AP5Z1: variants seen among roughly 807,000 people sequenced by gnomAD.
AP5Z1 encodes adaptor related protein complex 5 subunit zeta 1.
In AP5Z1, 106 loss-of-function variants were observed where a neutral mutation model predicts 83.0. The observed-to-expected ratio is 1.28, with a 90% CI of 1.09 to 1.50. AP5Z1 has a LOEUF of 1.50. Among genes scored for constraint, AP5Z1 ranks in the 40% most tolerant of loss-of-function variants. AP5Z1 has a pLI of 0.00. For synonymous variants in AP5Z1, 751 were observed against 514.1 expected (o/e 1.46, Z -6.23); for missense variants, 1,565 against 1,094.2 (o/e 1.43, Z -6.07).
chr7:4,788,519 T>G, intron 12 of AP5Z1: 1 of 578,328 alleles, frequency 1.7e-6, no homozygotes. Context: ...TCAACCCTCA[T>G]AAGCTTGGAG....
intron 13 of AP5Z1, among the ~76,000 whole-genome samples, chr7:4,789,495 C>CCTGGGAGGTGGGGAGGCCGGCAGGGGG (rs1781674706): frequency 6.6e-6 from 1 of 152,236 alleles, no homozygotes; most frequent in Non-Finnish European, 1.5e-5. Flanking sequence ...TGCAGGAGAG[C>CCTGGGAGGTGGGGAGGCCGGCAGGGGG]CTGGGAGGTG....
At chr7:4,783,500 C>A (rs755640495) in intron 4 of AP5Z1, 40 bp downstream of exon 4, 6 of 1,598,442 alleles carry the variant, frequency 3.8e-6, no homozygotes, top group Non-Finnish European at 4.3e-6. Flanking sequence ...GGGGGTCTGC[C>A]TTCCCAGGTC....
At chr7:4,783,650 A>C (rs528229484) in intron 4 of AP5Z1, 39 bp from the exon 5 acceptor site, 3 of 1,536,088 alleles carry the variant, frequency 2.0e-6, no homozygotes, top group East Asian at 2.5e-5. Flanking sequence ...CATCTGTAGG[A>C]TTCAACCTCA....
rs1419095895 is a variant in AP5Z1, at chr7:4,791,060, C to G, written c.2154-55C>G. On this transcript the variant is annotated intron_variant, in intron 16 of 16. Coordinates refer to ENST00000649063, the MANE Select transcript of AP5Z1 (RefSeq NM_014855.3). ...TTCAGGCCTGGCCCCTCCACACAGA[C>G]CCCTGTCCTGGGAGGGGAGCATCTG... The G allele has an allele frequency of 9.3e-6, 14 of 1,509,740 alleles. No individual in the cohort carries two copies. In the East Asian group the frequency reaches 3.1e-4, roughly 34 times the overall value. The allele number at this position is 1,509,740 out of a possible 1,614,324, so 93.5% of individuals were successfully genotyped here.
Position 4,784,871 on chromosome 7 carries a change from C to A in AP5Z1, c.791-37C>A, listed in dbSNP as rs775422856. 6 of 1,592,504 alleles carry A rather than the reference C, an allele frequency of 3.8e-6. No individual in the cohort carries two copies. The African/African-American group carries it at 8.1e-5, about 21-fold the overall frequency. On this transcript the variant is annotated intron_variant, in intron 6 of 16. Coordinates refer to ENST00000649063, the MANE Select transcript of AP5Z1 (RefSeq NM_014855.3). ...AGCAGGCATGTCCCAGCCCGGGAGC[C>A]ACACGTCAGCCTGCTGAGAGTTCCC... is the stretch of plus-strand genomic sequence containing the variant.
In AP5Z1 at chr7:4,788,848, C is replaced by T; in HGVS notation, c.1604C>T (p.Pro535Leu). Residue 535 changes from proline (P) to leucine (L), a missense_variant, in exon 13 of 17, where the codon CCA (proline) becomes CTA (leucine). Transcript: ENST00000649063. ...CCACACTGTGTCCTCAGGTTGGCGC[C>T]ACTCCACCAGCTGCTGCAGCCCATG... ...KASGATERLA[P>L]LHQLLQPMAG... The T allele has an allele frequency of 1.2e-6, 2 of 1,606,518 alleles. No homozygotes were observed. Among genetic ancestry groups the T allele is most frequent in the Non-Finnish European group, 8.5e-7 (1 of 1,176,996 alleles).
At chr7:4,776,149 T>A (rs1043552195) in intron 1 of AP5Z1, among the ~76,000 whole-genome samples, 2 of 151,620 alleles carry the variant, frequency 1.3e-5, no homozygotes, top group Non-Finnish European at 2.9e-5. Context: ...GGAATAAGGC[T>A]GTGTGCCAGG....
At chr7:4,785,909 T>C (rs950380156) in intron 9 of AP5Z1, among the ~76,000 whole-genome samples, 4 of 152,146 alleles carry the variant, frequency 2.6e-5, no homozygotes, top group Non-Finnish European at 4.4e-5. Context: ...GCCCAGCTCA[T>C]ATTTCTTTTT....
chr7:4,779,930 A>C (rs1562403333), intron 1 of AP5Z1, among the ~76,000 whole-genome samples: 1 of 152,142 alleles, frequency 6.6e-6, no homozygotes, highest in Non-Finnish European at 1.5e-5. Flanking sequence ...GGTGTGAGCC[A>C]CCGTGCGTGG....
chr7:4,790,832 G>C lies in AP5Z1; in HGVS notation c.2098G>C (p.Val700Leu), dbSNP rs11766611. ...LPRCPPQVVT[V>L]LMTTLTKLAS... ...CAGGTGTCCCCCCCAGGTGGTCACC[G>C]TGCTGATGACCACGCTGACGAAGCT... The change falls in exon 16 of 17, where the codon GTG becomes CTG. Residue 700 changes from valine to leucine, a missense_variant. Val to Leu is a conservative substitution (Grantham distance 32). Coordinates refer to ENST00000649063, the MANE Select transcript of AP5Z1 (RefSeq NM_014855.3). The C allele has an allele frequency of 1.1e-5, 17 of 1,609,258 alleles. No individual in the cohort carries two copies. The highest frequency in any genetic ancestry group is 1.4e-5 in the Non-Finnish European group (17 of 1,178,822).
rs200490093 is a variant in AP5Z1 at position 4,781,701 on chromosome 7, C to T, written c.313C>T (p.His105Tyr). Residue 105 changes from histidine (H) to tyrosine (Y), a missense_variant, in exon 3 of 17, where the codon CAC becomes TAC. Coordinates refer to ENST00000649063, the MANE Select transcript of AP5Z1 (RefSeq NM_014855.3). The stretch of plus-strand genomic sequence containing the variant: ...TGACAGCCTCAGCCTGGCCTGGGAC[C>T]ACACGCAGAACAGCCGGCAGCTGAG... The part of the protein sequence containing the change: ...PSDSLSLAWD[H>Y]TQNSRQLSLV... 2.7e-4 allele frequency: 427 copies of T among 1,588,848 alleles called. 1 individual carries two copies. Among genetic ancestry groups the T allele is most frequent in the Non-Finnish European group, 2.7e-4 (315 of 1,160,116 alleles).
chr7:4,776,575 A>C (rs1781234980), intron 1 of AP5Z1, among the ~76,000 whole-genome samples: 1 of 146,560 alleles, frequency 6.8e-6, no homozygotes, highest in African/African-American at 2.4e-5. Flanking sequence ...AAAAAAAAAA[A>C]AAAAAAAAAA....
chr7:4,777,809 C>A (rs557933935), intron 1 of AP5Z1, among the ~76,000 whole-genome samples: 19 of 152,300 alleles, frequency 1.2e-4, no homozygotes, highest in African/African-American at 4.1e-4. Flanking sequence ...CAGTTGCCCT[C>A]TGTTAGGGTT....
intron 13 of AP5Z1, among the ~76,000 whole-genome samples, chr7:4,789,277 G>A (rs1020791319): frequency 1.3e-5 from 2 of 151,624 alleles, no homozygotes; most frequent in Non-Finnish European, 2.9e-5. Context: ...CCATCCAACT[G>A]CCCCAGCAGG....
chr7:4,789,924 G>A lies in AP5Z1; in HGVS notation c.1800G>A (p.Val600=), dbSNP rs1360475923. 5 of 1,542,516 alleles carry A rather than the reference G, an allele frequency of 3.2e-6. No individual in the cohort carries two copies. In the Admixed American group the frequency reaches 5.9e-5, roughly 18 times the overall value. Residue 600 remains valine, a synonymous_variant, in exon 14 of 17, where the codon GTG becomes GTA. Coordinates refer to ENST00000649063, the MANE Select transcript of AP5Z1 (RefSeq NM_014855.3). ...LYPAPGYAAG[V]HSVLSSQFLA... ...CGGCCCCAGGGTACGCTGCCGGTGT[G>A]CACAGGTAGGTCCCTCCTGCGCTCC... is the stretch of plus-strand genomic sequence containing the variant.
Position 4,781,730 on chromosome 7 carries a change from G to A in AP5Z1, c.342G>A (p.Leu114=). Residue 114 remains leucine (L), a synonymous_variant, in exon 3 of 17, where the codon CTG becomes CTA. Coordinates refer to ENST00000649063, the MANE Select transcript of AP5Z1 (RefSeq NM_014855.3). ...DHTQNSRQLS[L]VASVLLAQGD... is the part of the protein sequence containing the mutation. ...CGCAGAACAGCCGGCAGCTGAGCCT[G>A]GTGGCCTCCGTTCTCTTGGCCCAGG... 5 of 1,576,474 alleles carry A rather than the reference G, an allele frequency of 3.2e-6. No homozygotes were observed. Among genetic ancestry groups the A allele is most frequent in the Non-Finnish European group, 4.3e-6 (5 of 1,152,102 alleles).
At chr7:4,781,932 A>G (rs1191154996) in intron 3 of AP5Z1, among the ~76,000 whole-genome samples, 178 bp downstream of exon 3, 17 of 152,224 alleles carry the variant, frequency 1.1e-4, no homozygotes, top group Non-Finnish European at 2.5e-4. Context: ...ACGGGGTCCC[A>G]TGCCCAGCAG....
Position 4,790,474 on chromosome 7 carries a change from G to A in AP5Z1, c.1821G>A (p.Gln607=). The change falls in exon 15 of 17, where the codon CAG becomes CAA. Residue 607 remains glutamine (Q), a synonymous_variant. Transcript: ENST00000649063. The part of the protein sequence containing the change: ...AAGVHSVLSS[Q]FLALCTLKPS... ...TTCTGGGCAGTGTGCTGAGTTCTCA[G>A]TTCCTGGCCCTGTGTACGCTGAAAC... 1 of 1,613,224 alleles carries A rather than the reference G, an allele frequency of 6.2e-7. No homozygotes were observed. The highest frequency in any genetic ancestry group is 8.5e-7 in the Non-Finnish European group (1 of 1,179,880).
chr7:4,790,546 C>T lies in AP5Z1; in HGVS notation c.1893C>T (p.Gly631=), dbSNP rs1781729252. 6.2e-7 allele frequency: 1 copy of T among 1,613,144 alleles called. No homozygotes were observed. Among genetic ancestry groups the T allele is most frequent in the Admixed American group, 1.7e-5 (1 of 60,028 alleles). The change falls in exon 15 of 17, where the codon GGC becomes GGT. Residue 631 remains glycine (G), a synonymous_variant. Coordinates refer to ENST00000649063, the MANE Select transcript of AP5Z1 (RefSeq NM_014855.3). ...ELARDLLEFL[G]SVNGLCSRAS... is the part of the protein sequence containing the mutation. ...CAAGAGACCTGCTGGAGTTCCTGGGCAGCGTGAATGGTCTCTGCAGCAGGG... is the reference window on the plus strand; with the variant it reads ...CAAGAGACCTGCTGGAGTTCCTGGGTAGCGTGAATGGTCTCTGCAGCAGGG...
Sources: gnomAD v4.1 joint callset for allele counts (sites outside exome capture counted in the v4.1 genomes callset) on GRCh38, gnomAD v4.1.1 for gene constraint, MANE v1.5 for transcripts, NCBI Gene and HGNC (gene_info 2026-07-23, HGNC 2026-07-21) for gene names.